The following TAS2R1 variants were observed in gnomAD, a reference collection of about 807,000 sequenced individuals.
TAS2R1 encodes taste 2 receptor member 1, also known as taste receptor type 2 member 1.
For missense variants in TAS2R1, 370 were observed against 353.4 expected (o/e 1.05, Z -0.38); for synonymous variants, 141 against 134.2 (o/e 1.05, Z -0.35).
chr5:9,692,048 TG>T (rs1741257020), intron 1 of TAS2R1, among the ~76,000 whole-genome samples: 1 of 152,200 alleles, frequency 6.6e-6, no homozygotes, highest in African/African-American at 2.4e-5. Flanking sequence ...AGAGGAGCCA[TG>T]GGCTTGGCCT....
the TAS2R1 span, among the ~76,000 whole-genome samples, chr5:9,768,998 A>G: frequency 6.6e-6 from 1 of 152,180 alleles, no homozygotes; most frequent in African/African-American, 2.4e-5. Flanking sequence ...TGTATTATCA[A>G]ATGCTAGATC....
the TAS2R1 span, among the ~76,000 whole-genome samples, chr5:9,795,345 G>A: frequency 6.6e-6 from 1 of 152,166 alleles, no homozygotes; most frequent in South Asian, 2.1e-4. Flanking sequence ...CTTGGGGCTA[G>A]AGGACAAAGT....
At chr5:9,724,966 G>A in the TAS2R1 span, among the ~76,000 whole-genome samples, 1 of 152,238 alleles carries the variant, frequency 6.6e-6, no homozygotes, top group Non-Finnish European at 1.5e-5. Context: ...GGCATTTTGT[G>A]GGGCAGCCCA....
chr5:9,901,442 A>G, the TAS2R1 span, among the ~76,000 whole-genome samples: 1 of 152,042 alleles, frequency 6.6e-6, no homozygotes, highest in East Asian at 1.9e-4. Context: ...TCTGGAAAAC[A>G]ATGTGGCCAG....
the TAS2R1 span, among the ~76,000 whole-genome samples, chr5:9,896,613 G>A: frequency 6.6e-6 from 1 of 152,130 alleles, no homozygotes. Context: ...TCTATGGAAA[G>A]TATTCCTCAC....
At chr5:9,706,091 G>A (rs1316593183) in intron 1 of TAS2R1, among the ~76,000 whole-genome samples, 1 of 152,158 alleles carries the variant, frequency 6.6e-6, no homozygotes, top group Admixed American at 6.5e-5. Flanking sequence ...TAAATACAAT[G>A]TTCTGATCTC....
the TAS2R1 span, among the ~76,000 whole-genome samples, chr5:9,787,409 T>A: frequency 6.6e-6 from 1 of 152,190 alleles, no homozygotes; most frequent in African/African-American, 2.4e-5. Context: ...GTACTTATTA[T>A]CAAAAACCAG....
the TAS2R1 span, among the ~76,000 whole-genome samples, chr5:9,746,158 T>C: frequency 1.1e-4 from 16 of 152,058 alleles, no homozygotes; most frequent in Non-Finnish European, 2.2e-4. Context: ...AACAAACATA[T>C]GAAAAAAAGG....
intron 2 of TAS2R1, among the ~76,000 whole-genome samples, chr5:9,652,081 A>G (rs1310208501): frequency 6.6e-6 from 1 of 152,192 alleles, no homozygotes; most frequent in Non-Finnish European, 1.5e-5. Flanking sequence ...AAATCATTAT[A>G]TGTATATTCA....
chr5:9,817,322 T>A, the TAS2R1 span, among the ~76,000 whole-genome samples: 1 of 152,254 alleles, frequency 6.6e-6, no homozygotes, highest in African/African-American at 2.4e-5. Flanking sequence ...CGCTTTAAAT[T>A]TATTTCATTT....
the TAS2R1 span, among the ~76,000 whole-genome samples, chr5:9,811,460 G>A: frequency 2.0e-5 from 3 of 152,290 alleles, no homozygotes; most frequent in Admixed American, 6.5e-5. Flanking sequence ...ACTTAGTGGT[G>A]AAGAGGGACA....
chr5:9,743,003 T>A, the TAS2R1 span, among the ~76,000 whole-genome samples: 1 of 151,508 alleles, frequency 6.6e-6, no homozygotes, highest in East Asian at 1.9e-4. Context: ...AAAAACAAGA[T>A]CTCATCAGGA....
the TAS2R1 span, among the ~76,000 whole-genome samples, chr5:9,762,740 C>T: frequency 6.6e-6 from 1 of 151,998 alleles, no homozygotes; most frequent in African/African-American, 2.4e-5. Flanking sequence ...AAGTTCACAC[C>T]ACTTGAGAAG....
chr5:9,736,181 C>A, the TAS2R1 span, among the ~76,000 whole-genome samples: 1 of 152,244 alleles, frequency 6.6e-6, no homozygotes, highest in Non-Finnish European at 1.5e-5. Context: ...AAACCCCTGC[C>A]TAGCATCCCT....
chr5:9,776,826 G>A, the TAS2R1 span, among the ~76,000 whole-genome samples: 4 of 152,068 alleles, frequency 2.6e-5, no homozygotes, highest in African/African-American at 9.7e-5. Context: ...AGATATTGCA[G>A]GTTCAGTTCC....
At chr5:9,797,306 T>G in the TAS2R1 span, among the ~76,000 whole-genome samples, 1 of 152,146 alleles carries the variant, frequency 6.6e-6, no homozygotes, top group South Asian at 2.1e-4. Flanking sequence ...ATGCACAGGA[T>G]AGCCCCCCAA....
chr5:9,793,414 A>G, the TAS2R1 span, among the ~76,000 whole-genome samples: 1 of 152,236 alleles, frequency 6.6e-6, no homozygotes, highest in African/African-American at 2.4e-5. Context: ...TAACTAAGAA[A>G]GAGAAAACTA....
At chr5:9,881,414 A>G in the TAS2R1 span, among the ~76,000 whole-genome samples, 1 of 152,192 alleles carries the variant, frequency 6.6e-6, no homozygotes, top group Non-Finnish European at 1.5e-5. Flanking sequence ...AATCAATATC[A>G]TGAAAATGGC....
chr5:9,639,298 C>T (rs989578387), intron 2 of TAS2R1, among the ~76,000 whole-genome samples: 1 of 152,174 alleles, frequency 6.6e-6, no homozygotes, highest in Non-Finnish European at 1.5e-5. Flanking sequence ...ATGCAAGGTA[C>T]TACCCGCTGC....
Sources: allele counts gnomAD v4.1 joint callset (sites outside exome capture counted in the v4.1 genomes callset), GRCh38; gene constraint gnomAD v4.1.1; transcripts MANE v1.5; gene names NCBI Gene and HGNC (gene_info 2026-07-23, HGNC 2026-07-21).